The following MRO variants were observed in gnomAD, a reference collection of about 807,000 sequenced individuals.
MRO encodes maestro, also known as protein maestro.
In MRO, 28 loss-of-function variants were observed where a neutral mutation model predicts 31.0. The ratio of observed to expected loss-of-function variants is 0.90; its 90% CI spans 0.67 to 1.24. MRO has a LOEUF of 1.24. Among genes scored for constraint, MRO ranks in the 50% most tolerant of loss-of-function variants. The pLI, the probability that MRO is intolerant of heterozygous loss-of-function variation, is 0.00. For missense variants in MRO, 332 were observed against 289.2 expected (o/e 1.15, Z -1.07); for synonymous variants, 108 against 108.4 (o/e 1.00, Z 0.02).
intron 4 of MRO, among the ~76,000 whole-genome samples, 166 bp downstream of exon 4, chr18:50,806,538 C>T (rs1020199800): frequency 1.3e-5 from 2 of 152,146 alleles, no homozygotes; most frequent in Non-Finnish European, 2.9e-5. Context: ...CGCGAAAACC[C>T]GAGATAATCA....
At chr18:50,806,320 G>A (rs1002646040) in intron 4 of MRO, among the ~76,000 whole-genome samples, 5 of 152,244 alleles carry the variant, frequency 3.3e-5, no homozygotes, top group South Asian at 2.1e-4. Context: ...TGACAGAGTG[G>A]CCTGTAGGCA....
chr18:50,804,883 C>T (rs1021055159), intron 5 of MRO, among the ~76,000 whole-genome samples: 3 of 151,986 alleles, frequency 2.0e-5, no homozygotes, highest in African/African-American at 7.2e-5. Flanking sequence ...CCTCCACCTC[C>T]CAAGTTCAAG....
chr18:50,809,890 A>G (rs1382656074), intron 2 of MRO, among the ~76,000 whole-genome samples: 1 of 152,268 alleles, frequency 6.6e-6, no homozygotes, highest in Non-Finnish European at 1.5e-5. Context: ...ATGTTCAAAG[A>G]TATACACAAA....
In MRO at chr18:50,819,965, T is replaced by C. The variant is rs1200880083; in HGVS notation, c.-195A>G. 6.4e-7 allele frequency: 1 copy of C among 1,551,270 alleles called. No homozygotes were observed. Among genetic ancestry groups the C allele is most frequent in the Non-Finnish European group, 8.7e-7 (1 of 1,146,856 alleles). ...GCTGTGATTTCCCCTCCTTCTTCCCTCATGCCAGCCTGGTCGACACTTTCT... is the reference window on the plus strand; with the variant it reads ...GCTGTGATTTCCCCTCCTTCTTCCCCCATGCCAGCCTGGTCGACACTTTCT... On this transcript the variant is annotated 5_prime_UTR_variant, in exon 1 of 8. Transcript: ENST00000398439.
chr18:50,810,965 C>T (rs192526534), intron 2 of MRO, among the ~76,000 whole-genome samples: 1 of 152,202 alleles, frequency 6.6e-6, no homozygotes, highest in East Asian at 1.9e-4. Flanking sequence ...CGAGAGAGGA[C>T]CGTGGGCTGG....
At chr18:50,801,270 G>A in intron 6 of MRO, 79 bp downstream of exon 6, 1 of 1,310,600 alleles carries the variant, frequency 7.6e-7, no homozygotes, top group African/African-American at 1.5e-5. Flanking sequence ...GAACCCTAGG[G>A]TCTGGCGTCT....
rs1254219319 is a variant in MRO, at chr18:50,800,066, ATCT to A, written c.660_662del (p.Glu220del). 1.5e-5 allele frequency: 25 copies of A among 1,613,558 alleles called. No individual in the cohort carries two copies. Among genetic ancestry groups the A allele is most frequent in the Non-Finnish European group, 2.0e-5 (24 of 1,179,738 alleles). On this transcript the variant is annotated inframe_deletion, in exon 7 of 8. Transcript: ENST00000398439. Reference sequence around the variant, plus strand: ...GCTGGTAGAGCTTAGTGTTCCTTTGATCTTCTTCACTCTGGAAGCTGTATTCCT... The same window carrying A: ...GCTGGTAGAGCTTAGTGTTCCTTTGATCTTCACTCTGGAAGCTGTATTCCT...
upstream of MRO, among the ~76,000 whole-genome samples, chr18:50,822,658 C>T (rs969255930): frequency 1.3e-5 from 2 of 152,056 alleles, no homozygotes; most frequent in Non-Finnish European, 2.9e-5. Context: ...TTTAAGTTTC[C>T]TCCCTCTCAT....
upstream of MRO, among the ~76,000 whole-genome samples, chr18:50,821,085 A>G (rs1568139835): frequency 6.6e-6 from 1 of 152,258 alleles, no homozygotes; most frequent in Non-Finnish European, 1.5e-5. Flanking sequence ...GTCTTGCTGC[A>G]AAAGGAAAGC....
At position 50,799,332 on chromosome 18, in the gene MRO, T is replaced by C; in HGVS notation, c.*5A>G. 6.2e-7 allele frequency: 1 copy of C among 1,613,110 alleles called. No individual in the cohort carries two copies. The highest frequency in any genetic ancestry group is 8.5e-7 in the Non-Finnish European group (1 of 1,179,028). ...ATACAGAACCATTTCCCTGCTGCTC[T>C]GCGCTTACAGAATTTTATTTGCGTA... On this transcript the variant is annotated 3_prime_UTR_variant, in exon 8 of 8. Transcript: ENST00000398439.
chr18:50,812,980 T>C (rs571125061), intron 2 of MRO, among the ~76,000 whole-genome samples: 9 of 152,288 alleles, frequency 5.9e-5, no homozygotes, highest in African/African-American at 2.2e-4. Context: ...GCTGGGGAGC[T>C]TCCAGGGACA....
intron 4 of MRO, 60 bp downstream of exon 4, chr18:50,806,643 TC>T: frequency 6.2e-7 from 1 of 1,600,554 alleles, no homozygotes; most frequent in Non-Finnish European, 8.5e-7. Flanking sequence ...CCTGGGAGTC[TC>T]CACACCAAGG....
chr18:50,800,199 AG>A, intron 6 of MRO, 56 bp from the exon 7 acceptor site: 1 of 1,287,208 alleles, frequency 7.8e-7, no homozygotes, highest in Non-Finnish European at 1.1e-6. Context: ...ATCCCAAGCA[AG>A]GAAAAGTATC....
Position 50,806,691 on chromosome 18 carries a change from T to C in MRO, c.246+13A>G, listed in dbSNP as rs896574444. ...GCTTGGGGAGCTGGCTGAGCCCCAC[T>C]CTCCTTCCCTACCTTGTCAGGGGCT... On this transcript the variant is annotated intron_variant, in intron 4 of 7. Transcript: ENST00000398439. The C allele has an allele frequency of 5.0e-6, 8 of 1,613,954 alleles. No individual in the cohort carries two copies. The highest frequency in any genetic ancestry group is 6.8e-6 in the Non-Finnish European group (8 of 1,179,968).
Position 50,819,970 on chromosome 18 carries a change from C to G in MRO, c.-200G>C. ...GATTTCCCCTCCTTCTTCCCTCATG[C>G]CAGCCTGGTCGACACTTTCTGCAGA... On this transcript the variant is annotated 5_prime_UTR_variant, in exon 1 of 8. Coordinates refer to ENST00000398439, the MANE Select transcript of MRO (RefSeq NM_031939.6). 1 of 1,551,208 alleles carries G rather than the reference C, an allele frequency of 6.4e-7. No homozygotes were observed. The highest frequency in any genetic ancestry group is 1.4e-5 in the African/African-American group (1 of 73,140).
chr18:50,810,282 A>C (rs1160625013), intron 2 of MRO, among the ~76,000 whole-genome samples: 2 of 152,242 alleles, frequency 1.3e-5, no homozygotes, highest in Non-Finnish European at 2.9e-5. Context: ...ATATATTACA[A>C]CTATACAACT....
At chr18:50,809,207 T>C in intron 3 of MRO, 95 bp downstream of exon 3, 1 of 608,574 alleles carries the variant, frequency 1.6e-6, no homozygotes, top group Non-Finnish European at 2.6e-6. Flanking sequence ...GGAACTTCAG[T>C]GGAGCAGGCC....
rs747634015 is a variant in MRO, at chr18:50,805,287, T to C, written c.296A>G (p.Tyr99Cys). 1.9e-5 allele frequency: 31 copies of C among 1,614,046 alleles called. No individual in the cohort carries two copies. In the East Asian group the frequency reaches 5.3e-4, roughly 28 times the overall value. Residue 99 changes from tyrosine to cysteine, a missense_variant, in exon 5 of 8, where the codon TAT becomes TGT. Physicochemically the swap from Tyr to Cys is radical, Grantham distance 194. Coordinates refer to ENST00000398439, the MANE Select transcript of MRO (RefSeq NM_031939.6). Reference sequence around the variant, plus strand: ...GATGACTTCCAAATTCACAGGGTCATACAGTCCATACACCAGCAGGTCGAG... The same window carrying C: ...GATGACTTCCAAATTCACAGGGTCACACAGTCCATACACCAGCAGGTCGAG... ...IVLDLLVYGLYDPVNLEVIHE... is the reference protein window; with the variant it reads ...IVLDLLVYGLCDPVNLEVIHE...
chr18:50,816,471 A>G (rs1199893597), intron 2 of MRO, among the ~76,000 whole-genome samples: 1 of 152,240 alleles, frequency 6.6e-6, no homozygotes, highest in African/African-American at 2.4e-5. Flanking sequence ...TTCTGAACAG[A>G]CACTTTAACA....
Sources: gnomAD v4.1 joint callset for allele counts (sites outside exome capture counted in the v4.1 genomes callset) on GRCh38, gnomAD v4.1.1 for gene constraint, MANE v1.5 for transcripts, NCBI Gene and HGNC (gene_info 2026-07-23, HGNC 2026-07-21) for gene names.